RAI1: variants seen among roughly 807,000 people sequenced by gnomAD.
The protein encoded by RAI1 is retinoic acid-induced protein 1.
Under a neutral mutation model 123.8 loss-of-function variants are expected in RAI1, and 9 were observed. The ratio of observed to expected loss-of-function variants is 0.07; its 90% CI spans 0.04 to 0.13. RAI1 has a LOEUF of 0.13. Ranked by LOEUF, RAI1 falls within the 10% of genes least tolerant of loss-of-function variation. The probability of loss-of-function intolerance (pLI) is 1.00; values close to 1 mark genes in which losing one functional copy is unlikely to be tolerated. For synonymous variants in RAI1, 1,231 were observed against 1,127.3 expected, an observed-to-expected ratio of 1.09 and a Z score of -1.84; for missense variants, 2,256 against 2,545.8, an observed-to-expected ratio of 0.89 and a Z score of 2.45.
At chr17:17,701,002 A>T (rs1915204489) in intron 1 of RAI1, among the ~76,000 whole-genome samples, 1 of 151,690 alleles carries the variant, frequency 6.6e-6, no homozygotes. Flanking sequence ...TCTCGGCCTT[A>T]CTCCCCTCGT....
At chr17:17,709,753 T>TCA (rs1203761501) in intron 1 of RAI1, among the ~76,000 whole-genome samples, 4 of 152,194 alleles carry the variant, frequency 2.6e-5, no homozygotes, top group African/African-American at 7.2e-5. Flanking sequence ...CCTGGAGCTT[T>TCA]CCTCTGAACC....
In RAI1 at chr17:17,810,309, T is replaced by A; in HGVS notation, c.*328T>A. The A allele has an allele frequency of 2.3e-6, 1 of 432,674 alleles. No homozygotes were observed. Among genetic ancestry groups the A allele is most frequent in the Non-Finnish European group, 4.1e-6 (1 of 243,802 alleles). The allele number at this position is 432,674 out of a possible 1,614,324, so 26.8% of individuals were successfully genotyped here. A position where few individuals can be genotyped will look rare whatever the true frequency, so the allele number is the denominator to read the frequency against. ...CGGGGCGCTCAGCCTCCGGCGAGGG[T>A]GGGAGACGGCTTTGTCCTGGGGACA... is the stretch of plus-strand genomic sequence containing the variant. On this transcript the variant is annotated 3_prime_UTR_variant, in exon 6 of 6. Transcript: ENST00000353383. The surrounding 1 kb of genome is among the most constrained non-coding windows in gnomAD (Gnocchi z 4.6).
intron 2 of RAI1, among the ~76,000 whole-genome samples, chr17:17,754,085 A>T (rs960494482): frequency 2.0e-5 from 3 of 152,038 alleles, no homozygotes; most frequent in Non-Finnish European, 4.4e-5. Flanking sequence ...TACATTGTAC[A>T]AGGATCCCTG....
chr17:17,770,627 ATGGGGGTGGG>A (rs1336924045), intron 2 of RAI1, among the ~76,000 whole-genome samples: 3 of 121,140 alleles, frequency 2.5e-5, no homozygotes, highest in Admixed American at 8.6e-5. Flanking sequence ...AGGGAGGTCC[ATGGGGGTGGG>A]TGGGGGTGGG....
At position 17,795,659 on chromosome 17, in the gene RAI1, T is replaced by C. The variant is rs915858088; in HGVS notation, c.2711T>C (p.Val904Ala). Residue 904 changes from valine to alanine, a missense_variant, in exon 3 of 6, where the codon GTG becomes GCG. Physicochemically the swap from Val to Ala is moderately conservative, Grantham distance 64. Coordinates refer to ENST00000353383, the MANE Select transcript of RAI1 (RefSeq NM_030665.4). This position sits in a 1 kb window ranked among gnomAD's most constrained non-coding sequence, Gnocchi z 5.9. ...CCACTCATCTGCACCAAGGAGGAGG[T>C]GGAGGAGGTGCTGGACTCCAAGGCC... ...KAPLICTKEE[V>A]EEVLDSKAGW... 1 of 1,612,774 alleles carries C rather than the reference T, an allele frequency of 6.2e-7. No individual in the cohort carries two copies. The highest frequency in any genetic ancestry group is 8.5e-7 in the Non-Finnish European group (1 of 1,179,700).
At position 17,796,028 on chromosome 17, in the gene RAI1, C is replaced by T; in HGVS notation, c.3080C>T (p.Pro1027Leu). The change falls in exon 3 of 6, where the codon CCT becomes CTT. Residue 1027 changes from proline to leucine, a missense_variant. By Grantham distance (98) the Pro-to-Leu change is moderately conservative (BLOSUM62 -3). Transcript: ENST00000353383. The surrounding 1 kb of genome is among the most constrained non-coding windows in gnomAD (Gnocchi z 5.8). The part of the protein sequence containing the change: ...APVLPKDLLL[P>L]ESCTGPPQGQ... ...GTGCTGCCCAAAGACCTCTTGCTCC[C>T]TGAATCCTGCACAGGGCCCCCCCAG... The T allele has an allele frequency of 2.5e-6, 4 of 1,591,022 alleles. No homozygotes were observed. Among genetic ancestry groups the T allele is most frequent in the Non-Finnish European group, 3.4e-6 (4 of 1,169,728 alleles).
intron 2 of RAI1, among the ~76,000 whole-genome samples, chr17:17,767,406 C>T (rs1161923083): frequency 1.3e-5 from 2 of 149,686 alleles, no homozygotes; most frequent in African/African-American, 2.5e-5. Flanking sequence ...TAAAAAAACT[C>T]GCTGAAAAAA....
intron 1 of RAI1, among the ~76,000 whole-genome samples, chr17:17,698,219 C>T (rs564080301): frequency 4.6e-5 from 7 of 152,198 alleles, no homozygotes; most frequent in Non-Finnish European, 8.8e-5. Context: ...AGAGGGCAGG[C>T]GCCCAGGTCC....
At chr17:17,773,997 A>C (rs1567892051) in intron 2 of RAI1, among the ~76,000 whole-genome samples, 1 of 152,202 alleles carries the variant, frequency 6.6e-6, no homozygotes, top group African/African-American at 2.4e-5. Flanking sequence ...CAGGTAAGTA[A>C]TTACTTACCT....
intron 2 of RAI1, among the ~76,000 whole-genome samples, chr17:17,783,807 C>T (rs1010052836): frequency 3.3e-5 from 5 of 152,124 alleles, no homozygotes; most frequent in East Asian, 1.9e-4. Context: ...GGTTAATGGC[C>T]TAGTCGCAGA....
intron 2 of RAI1, among the ~76,000 whole-genome samples, chr17:17,771,445 G>A (rs1028695313): frequency 9.9e-5 from 15 of 152,236 alleles, no homozygotes; most frequent in African/African-American, 3.6e-4. Flanking sequence ...TCCTTTAGCA[G>A]TGGCTCTGAG....
chr17:17,744,588 C>T (rs906639765), intron 2 of RAI1, among the ~76,000 whole-genome samples: 1 of 151,962 alleles, frequency 6.6e-6, no homozygotes, highest in Admixed American at 6.6e-5. Flanking sequence ...GTCAGGAGTT[C>T]GAGACCAGCC....
chr17:17,797,938 T>G lies in RAI1; in HGVS notation c.4990T>G (p.Leu1664Val), dbSNP rs1289112665. The change falls in exon 3 of 6, where the codon TTG becomes GTG. Residue 1664 changes from leucine to valine, a missense_variant. Around this residue, in one of 7 missense-constraint regions of RAI1, gnomAD observed 410 missense variants for 374.6 expected, o/e 1.09. Coordinates refer to ENST00000353383, the MANE Select transcript of RAI1 (RefSeq NM_030665.4). ...GGSILQPRPS[L>V]PLSSTMHLGP... ...CTCCATCCTGCAGCCGCGGCCCTCCTTGCCCCTCTCCTCCACGATGCACTT... is the reference window on the plus strand; with the variant it reads ...CTCCATCCTGCAGCCGCGGCCCTCCGTGCCCCTCTCCTCCACGATGCACTT... 6.2e-7 allele frequency: 1 copy of G among 1,614,004 alleles called. No individual in the cohort carries two copies. The highest frequency in any genetic ancestry group is 8.5e-7 in the Non-Finnish European group (1 of 1,180,012).
intron 1 of RAI1, among the ~76,000 whole-genome samples, chr17:17,698,247 C>G (rs1915100033): frequency 6.6e-6 from 1 of 152,252 alleles, no homozygotes; most frequent in African/African-American, 2.4e-5. Context: ...TGCTCTCACA[C>G]ACGGGCTTCT....
rs1426797066 is a variant in RAI1 at position 17,707,631 on chromosome 17, C to CAATAA, written c.-148-16396_-148-16395insATAAA. On this transcript the variant is annotated intron_variant, in intron 1 of 5. Transcript: ENST00000353383. ...TATTTGAGACAGGGTCTCACTCTGT[C>CAATAA]ACCCAGGTTGGAGTGCAGTGGCATG... Among the ~76,000 whole-genome samples the CAATAA allele has an allele frequency of 1.8e-3, 275 of 152,272 alleles. 2 individuals carry two copies. The highest frequency in any genetic ancestry group is 6.4e-3 in the African/African-American group (265 of 41,552).
chr17:17,780,074 C>CTTTTTTTTT (rs1555563206), intron 2 of RAI1, among the ~76,000 whole-genome samples: 10 of 76,926 alleles, frequency 1.3e-4, no homozygotes, highest in African/African-American at 1.5e-4. Context: ...TCCACCCAGG[C>CTTTTTTTTT]TTTTTTTTAA....
At chr17:17,733,675 A>G (rs1373312972) in intron 2 of RAI1, among the ~76,000 whole-genome samples, 1 of 152,178 alleles carries the variant, frequency 6.6e-6, no homozygotes, top group East Asian at 1.9e-4. Flanking sequence ...TCTCTCTAAG[A>G]CACTGGAAAA....
chr17:17,779,694 T>A (rs1036970974), intron 2 of RAI1, among the ~76,000 whole-genome samples: 25 of 151,464 alleles, frequency 1.7e-4, no homozygotes, highest in African/African-American at 6.1e-4. Context: ...AAACCCTTAG[T>A]AGGTAGCCTG....
At chr17:17,707,942 C>G (rs1188095070) in intron 1 of RAI1, among the ~76,000 whole-genome samples, 1 of 152,142 alleles carries the variant, frequency 6.6e-6, no homozygotes, top group Non-Finnish European at 1.5e-5. Flanking sequence ...GAGGCAGGCT[C>G]CAAGCTGACT....
Sources: gnomAD v4.1 joint callset for allele counts (sites outside exome capture counted in the v4.1 genomes callset) on GRCh38, gnomAD v4.1.1 for gene constraint, gnomAD v4.1.1 regional missense constraint, Gnocchi (gnomAD v3.1) non-coding constraint, MANE v1.5 for transcripts, NCBI Gene and HGNC (gene_info 2026-07-23, HGNC 2026-07-21) for gene names.